Variants in PRKG1 observed in about 807,000 individuals in gnomAD.
The protein encoded by PRKG1 is protein kinase cGMP-dependent 1.
A neutral mutation model predicts 88.1 loss-of-function variants in PRKG1; 35 were observed. The observed-to-expected ratio is 0.40, with a 90% CI of 0.30 to 0.53. PRKG1 has a LOEUF of 0.53. PRKG1 is among the 20% of genes least tolerant of loss of function. PRKG1 has a pLI of 0.59. For synonymous variants in PRKG1, 303 were observed against 292.5 expected (o/e 1.04, Z -0.37); for missense variants, 540 against 839.8 (o/e 0.64, Z 4.41).
intron 2 of PRKG1, among the ~76,000 whole-genome samples, chr10:51,181,367 G>A (rs949874535): frequency 1.4e-5 from 2 of 146,156 alleles, no homozygotes; most frequent in Non-Finnish European, 3.0e-5. Context: ...TCAGCCTCCC[G>A]AGTAGCTGGG....
At chr10:51,098,299 G>A (rs1443763974) in intron 1 of PRKG1, among the ~76,000 whole-genome samples, 1 of 152,112 alleles carries the variant, frequency 6.6e-6, no homozygotes, top group Non-Finnish European at 1.5e-5. Context: ...GTATAGTACT[G>A]CTATCAAAGC....
chr10:51,691,593 G>A (rs990644323), intron 3 of PRKG1, among the ~76,000 whole-genome samples: 1 of 152,172 alleles, frequency 6.6e-6, no homozygotes, highest in South Asian at 2.1e-4. Flanking sequence ...TGGGATTGCA[G>A]GCGTGAGATA....
intron 7 of PRKG1, among the ~76,000 whole-genome samples, chr10:52,127,847 G>C (rs1837138315): frequency 6.6e-6 from 1 of 152,138 alleles, no homozygotes; most frequent in Non-Finnish European, 1.5e-5. Flanking sequence ...TGGTGGAAGA[G>C]CTTCAGGACT....
intron 3 of PRKG1, among the ~76,000 whole-genome samples, chr10:51,608,177 C>CATATACT (rs1838814548): frequency 6.6e-6 from 1 of 150,882 alleles, no homozygotes. Flanking sequence ...CAACAGACTG[C>CATATACT]ATATACTATA....
chr10:51,015,994 G>A (rs1843053512), intron 1 of PRKG1, among the ~76,000 whole-genome samples: 1 of 152,356 alleles, frequency 6.6e-6, no homozygotes, highest in East Asian at 1.9e-4. Context: ...AAAGGGACTA[G>A]AAGATCATTA....
intron 7 of PRKG1, among the ~76,000 whole-genome samples, chr10:52,119,395 C>A (rs974811199): frequency 1.3e-5 from 2 of 152,182 alleles, no homozygotes; most frequent in South Asian, 4.1e-4. Flanking sequence ...AAAGGAGACA[C>A]TCTCTCCTGA....
At chr10:51,189,986 A>C (rs1266146273) in intron 2 of PRKG1, among the ~76,000 whole-genome samples, 1 of 151,862 alleles carries the variant, frequency 6.6e-6, no homozygotes, top group Non-Finnish European at 1.5e-5. Context: ...TTTAACTCAG[A>C]TCTTCCGACT....
intron 14 of PRKG1, among the ~76,000 whole-genome samples, chr10:52,288,444 A>C (rs966309528): frequency 6.6e-6 from 1 of 152,110 alleles, no homozygotes; most frequent in Non-Finnish European, 1.5e-5. Context: ...AGAGTAGAAG[A>C]AGCATCTTGA....
intron 3 of PRKG1, among the ~76,000 whole-genome samples, chr10:51,482,624 G>A (rs959889265): frequency 2.0e-5 from 3 of 152,106 alleles, no homozygotes; most frequent in Non-Finnish European, 4.4e-5. Context: ...TTTCTAAAGA[G>A]GTTTCTGTTT....
chr10:51,966,663 C>A (rs1427387824), intron 5 of PRKG1, among the ~76,000 whole-genome samples: 2 of 152,132 alleles, frequency 1.3e-5, no homozygotes, highest in Non-Finnish European at 2.9e-5. Flanking sequence ...GATGAGGGAG[C>A]AAGCACAGGC....
At chr10:51,521,618 A>T (rs185897952) in intron 3 of PRKG1, among the ~76,000 whole-genome samples, 4 of 152,304 alleles carry the variant, frequency 2.6e-5, no homozygotes, top group Non-Finnish European at 5.9e-5. Context: ...CTAAGCTTTA[A>T]CCTTTACTCA....
chr10:51,505,088 G>T (rs558336706), intron 3 of PRKG1, among the ~76,000 whole-genome samples: 2 of 152,274 alleles, frequency 1.3e-5, no homozygotes, highest in Admixed American at 6.5e-5. Flanking sequence ...TGCCCATTCA[G>T]TATGATATTA....
chr10:51,531,525 A>G (rs1842015001), intron 3 of PRKG1, among the ~76,000 whole-genome samples: 2 of 151,512 alleles, frequency 1.3e-5, no homozygotes, highest in Admixed American at 1.3e-4. Context: ...TTTAAACTCT[A>G]TATTTAATGT....
At chr10:51,927,597 C>G (rs1392796633) in intron 5 of PRKG1, among the ~76,000 whole-genome samples, 1 of 152,114 alleles carries the variant, frequency 6.6e-6, no homozygotes, top group Non-Finnish European at 1.5e-5. Flanking sequence ...CACACTCATG[C>G]ATTCACATGC....
intron 3 of PRKG1, among the ~76,000 whole-genome samples, chr10:51,581,239 A>T (rs1007829644): frequency 2.6e-5 from 4 of 152,202 alleles, no homozygotes; most frequent in African/African-American, 9.6e-5. Flanking sequence ...GTAATTTCCA[A>T]CAGAGCCTTA....
intron 2 of PRKG1, among the ~76,000 whole-genome samples, chr10:51,180,327 A>G (rs1837310718): frequency 6.6e-6 from 1 of 151,994 alleles, no homozygotes; most frequent in Admixed American, 6.6e-5. Context: ...ATTCTTTTTT[A>G]CTTCTAACCT....
At chr10:51,442,486 A>G (rs1180356087) in intron 2 of PRKG1, among the ~76,000 whole-genome samples, 2 of 152,002 alleles carry the variant, frequency 1.3e-5, no homozygotes, top group African/African-American at 4.8e-5. Context: ...ATTTTTCAGC[A>G]TATCTCTGTT....
chr10:51,718,401 A>G (rs1841935874), intron 3 of PRKG1, among the ~76,000 whole-genome samples: 1 of 152,092 alleles, frequency 6.6e-6, no homozygotes, highest in Non-Finnish European at 1.5e-5. Flanking sequence ...GGAAGGCGAG[A>G]GTAGGGAGTG....
chr10:52,098,111 G>T (rs1182911069), intron 7 of PRKG1, among the ~76,000 whole-genome samples: 1 of 152,154 alleles, frequency 6.6e-6, no homozygotes, highest in Non-Finnish European at 1.5e-5. Flanking sequence ...AAATGTTACA[G>T]TAGGTTAATT....
Sources: gnomAD v4.1 joint callset for allele counts (sites outside exome capture counted in the v4.1 genomes callset) on GRCh38, gnomAD v4.1.1 for gene constraint, MANE v1.5 for transcripts, NCBI Gene and HGNC (gene_info 2026-07-23, HGNC 2026-07-21) for gene names.